Variants in P2RX1 observed in about 807,000 individuals in gnomAD.
P2RX1 encodes purinergic receptor P2X 1.
P2RX1 carries 42 observed loss-of-function variants against 50.3 expected under a neutral mutation model. The observed-to-expected ratio is 0.83, with a 90% CI of 0.65 to 1.08. P2RX1 has a LOEUF of 1.08. Among genes scored for constraint, P2RX1 ranks in the 50% least tolerant of loss-of-function variants. P2RX1 has a pLI of 0.00. For synonymous variants in P2RX1, 199 were observed against 202.6 expected (o/e 0.98, Z 0.15); for missense variants, 449 against 529.0 (o/e 0.85, Z 1.48).
intron 10 of P2RX1, 93 bp from the exon 11 acceptor site, chr17:3,898,203 C>G (rs1164545236): frequency 1.8e-6 from 2 of 1,120,766 alleles, no homozygotes; most frequent in East Asian, 4.7e-5. Context: ...TGGTGAGGCC[C>G]TGGCTGGATC....
chr17:3,904,119 G>A (rs941986170), intron 4 of P2RX1, 95 bp from the exon 5 acceptor site: 2 of 1,131,606 alleles, frequency 1.8e-6, no homozygotes, highest in Non-Finnish European at 2.7e-6. Context: ...GGCCACTCAA[G>A]CAAAGGAGCC....
chr17:3,915,733 C>A (rs931840116), intron 1 of P2RX1: 9 of 484,938 alleles, frequency 1.9e-5, no homozygotes, highest in Non-Finnish European at 3.2e-5. Flanking sequence ...TCAGTGGCGG[C>A]CTGGTTTGGC....
intron 7 of P2RX1, among the ~76,000 whole-genome samples, chr17:3,901,743 G>T (rs570115959): frequency 6.6e-6 from 1 of 152,252 alleles, no homozygotes; most frequent in Non-Finnish European, 1.5e-5. Context: ...GTGCTGCCAG[G>T]TGTACAGGCT....
chr17:3,901,350 A>C (rs528412007), intron 7 of P2RX1, among the ~76,000 whole-genome samples: 1 of 152,218 alleles, frequency 6.6e-6, no homozygotes, highest in African/African-American at 2.4e-5. Context: ...TACAGGCGTG[A>C]GCCACCGCAC....
At chr17:3,904,798 C>G in intron 3 of P2RX1, 60 bp downstream of exon 3, 4 of 1,345,392 alleles carry the variant, frequency 3.0e-6, no homozygotes, top group Non-Finnish European at 4.2e-6. Flanking sequence ...TGGAGACTTT[C>G]TCTGCACGTC....
intron 1 of P2RX1, among the ~76,000 whole-genome samples, chr17:3,912,703 A>G (rs2056385930): frequency 6.6e-6 from 1 of 152,164 alleles, no homozygotes; most frequent in Admixed American, 6.5e-5. Context: ...ATTCACCCTC[A>G]GTTCCTCCCT....
Position 3,898,481 on chromosome 17 carries a change from T to C in P2RX1, c.1032+3A>G, listed in dbSNP as rs772455555. ...ACAGTGAGCCGGTGACCCCAGCACTTACCACCCCAAAGATGCCAATTCCAG... is the reference window on the plus strand; with the variant it reads ...ACAGTGAGCCGGTGACCCCAGCACTCACCACCCCAAAGATGCCAATTCCAG... On this transcript the variant is annotated splice_donor_region_variant and intron_variant, in intron 10 of 11. Transcript: ENST00000225538. 1.3e-5 allele frequency: 21 copies of C among 1,612,718 alleles called. No homozygotes were observed. In the Middle Eastern group the frequency reaches 8.2e-4, roughly 63 times the overall value.
intron 1 of P2RX1, among the ~76,000 whole-genome samples, chr17:3,907,542 C>T (rs2056290343): frequency 6.6e-6 from 1 of 152,152 alleles, no homozygotes; most frequent in South Asian, 2.1e-4. Context: ...TCTCTCCCTG[C>T]TGCAGGCCCC....
In P2RX1 at chr17:3,903,073, CA is replaced by C; in HGVS notation, c.747+128del. Reference sequence around the variant, plus strand: ...TCTGACGCTCAGGGGGCCCCAGTATCAGGGGACAGACCCATACATATACTCA... The same window carrying C: ...TCTGACGCTCAGGGGGCCCCAGTATCGGGGACAGACCCATACATATACTCA... On this transcript the variant is annotated intron_variant, in intron 7 of 11. Transcript: ENST00000225538. This position sits in a 1 kb window ranked among gnomAD's most constrained non-coding sequence, Gnocchi z 4.6. 1 of 1,317,688 alleles carries C rather than the reference CA, an allele frequency of 7.6e-7. No individual in the cohort carries two copies. The highest frequency in any genetic ancestry group is 1.2e-5 in the South Asian group (1 of 80,014). The allele number at this position is 1,317,688 out of a possible 1,614,324, so 81.6% of individuals were successfully genotyped here.
At chr17:3,913,063 C>T (rs927476074) in intron 1 of P2RX1, among the ~76,000 whole-genome samples, 1 of 152,094 alleles carries the variant, frequency 6.6e-6, no homozygotes, top group African/African-American at 2.4e-5. Context: ...GGCTTCCTCC[C>T]CACTGCCTGT....
In P2RX1 at chr17:3,897,186, C is replaced by G. The variant is rs990445820; in HGVS notation, c.*628G>C. On this transcript the variant is annotated 3_prime_UTR_variant, in exon 12 of 12. Transcript: ENST00000225538. ...ACGGCCAGCCCTGGAGCTTTTGGTT[C>G]AGGAGGTCTGGGGGTGGGCCCAGGA... is the stretch of plus-strand genomic sequence containing the variant. 1.9e-5 allele frequency: 3 copies of G among 158,516 alleles called. No individual in the cohort carries two copies. The highest frequency in any genetic ancestry group is 7.2e-5 in the African/African-American group (3 of 41,464). The allele number at this position is 158,516 out of a possible 1,614,324, so 9.8% of individuals were successfully genotyped here.
In P2RX1 at chr17:3,903,918, A is replaced by T. The variant is rs957606007; in HGVS notation, c.524+10T>A. On this transcript the variant is annotated intron_variant, in intron 5 of 11. Transcript: ENST00000225538. The surrounding 1 kb of genome is among the most constrained non-coding windows in gnomAD (Gnocchi z 4.6). ...CCTGTTCTTAGCTCTCTGGAAGGTC[A>T]GAGTGTTACCGCGGGATGTCGTCAT... is the stretch of plus-strand genomic sequence containing the variant. 4 of 1,604,692 alleles carry T rather than the reference A, an allele frequency of 2.5e-6. No individual in the cohort carries two copies. In the African/African-American group the frequency reaches 5.4e-5, roughly 21 times the overall value.
chr17:3,896,999 G>A lies in P2RX1; in HGVS notation c.*815C>T, dbSNP rs1335414564. The A allele has an allele frequency of 6.5e-6, 1 of 152,996 alleles. No individual in the cohort carries two copies. Among genetic ancestry groups the A allele is most frequent in the Non-Finnish European group, 1.5e-5 (1 of 68,648 alleles). 9.5% of individuals were successfully genotyped at this position (152,996 alleles called of 1,614,324 possible). A position where few individuals can be genotyped will look rare whatever the true frequency, so the allele number is the denominator to read the frequency against. ...TGAGCACACAACACACATGCTGAAG[G>A]TGTTTGAGACCCTGTTCAGTGTCTG... On this transcript the variant is annotated 3_prime_UTR_variant, in exon 12 of 12. Transcript: ENST00000225538.
At chr17:3,901,946 G>A (rs1035835324) in intron 7 of P2RX1, among the ~76,000 whole-genome samples, 9 of 152,028 alleles carry the variant, frequency 5.9e-5, no homozygotes, top group Non-Finnish European at 1.0e-4. Context: ...ACCCACTGAA[G>A]TTAAGAGACT....
chr17:3,898,447 A>G lies in P2RX1; in HGVS notation c.1032+37T>C, dbSNP rs199874292. The G allele has an allele frequency of 3.3e-5, 51 of 1,552,638 alleles. 1 individual carries two copies. The Admixed American group carries it at 8.0e-4, about 24-fold the overall frequency. On this transcript the variant is annotated intron_variant, in intron 10 of 11. Coordinates refer to ENST00000225538, the MANE Select transcript of P2RX1 (RefSeq NM_002558.4). ...ACTGAATTGTGGAAGAGGAGGGGCC[A>G]ACCCCAGCACAGTGAGCCGGTGACC...
At chr17:3,909,085 C>T (rs112187162) in intron 1 of P2RX1, among the ~76,000 whole-genome samples, 4,056 of 152,026 alleles carry the variant, frequency 0.027, 196 homozygotes, top group African/African-American at 0.092. Context: ...GGCTGGAGTG[C>T]GGTGGCACGA....
rs374191430 is a variant in P2RX1, at chr17:3,909,419, T to C, written c.138-4052A>G. 1.1e-4 allele frequency among the ~76,000 whole-genome samples: 17 copies of C among 152,322 alleles called. 1 individual carries two copies. The South Asian group carries it at 3.5e-3, about 32-fold the overall frequency. The stretch of plus-strand genomic sequence containing the variant: ...TCCCATTTTCACTGTTCTCCGTTCC[T>C]CCTTCACAAATTCCTCTTTCAATGT... On this transcript the variant is annotated intron_variant, in intron 1 of 11. Coordinates refer to ENST00000225538, the MANE Select transcript of P2RX1 (RefSeq NM_002558.4).
At chr17:3,898,356 C>A in intron 10 of P2RX1, 128 bp downstream of exon 10, 1 of 815,306 alleles carries the variant, frequency 1.2e-6, no homozygotes, top group Non-Finnish European at 2.1e-6. Flanking sequence ...GTGGGGTGGG[C>A]AGCTGCTGGC....
intron 7 of P2RX1, among the ~76,000 whole-genome samples, chr17:3,901,168 A>C (rs74772840): frequency 1.3e-5 from 2 of 152,142 alleles, no homozygotes; most frequent in African/African-American, 4.8e-5. Flanking sequence ...CCCAGGTTCA[A>C]GCGATTCTCC....
Sources: allele counts gnomAD v4.1 joint callset (sites outside exome capture counted in the v4.1 genomes callset), GRCh38; gene constraint gnomAD v4.1.1; non-coding constraint Gnocchi (gnomAD v3.1); transcripts MANE v1.5; gene names NCBI Gene and HGNC (gene_info 2026-07-23, HGNC 2026-07-21).